Variants in ZNF286A observed in about 807,000 individuals in gnomAD.
ZNF286A encodes zinc finger protein ZNF286.
ZNF286A carries 34 observed loss-of-function variants against 49.3 expected under a neutral mutation model. The observed-to-expected ratio is 0.69, with a 90% CI of 0.52 to 0.92. The LOEUF (loss-of-function observed/expected upper bound fraction) is 0.92, where lower values mean the gene tolerates loss of function less well. Among genes scored for constraint, ZNF286A ranks in the 40% least tolerant of loss-of-function variants. The pLI is 0.00. For synonymous variants in ZNF286A, 155 were observed against 200.4 expected (o/e 0.77, Z 1.91); for missense variants, 462 against 600.2 (o/e 0.77, Z 2.41).
chr17:15,717,406 T>C lies in ZNF286A; in HGVS notation c.*116T>C. Reference sequence around the variant, plus strand: ...TGTGAGGACCAATTCTGTATGCATCTAATTTCATTTGCGTAATACATAGTT... The same window carrying C: ...TGTGAGGACCAATTCTGTATGCATCCAATTTCATTTGCGTAATACATAGTT... On this transcript the variant is annotated 3_prime_UTR_variant, in exon 6 of 6. Transcript: ENST00000583566. 1.4e-6 allele frequency: 2 copies of C among 1,454,908 alleles called. No homozygotes were observed. The highest frequency in any genetic ancestry group is 2.5e-5 in the Admixed American group (1 of 39,814). The allele number at this position is 1,454,908 out of a possible 1,614,324, so 90.1% of individuals were successfully genotyped here.
Position 15,717,930 on chromosome 17 carries a change from A to ATTTTTTTTTTTTTTTTT in ZNF286A, c.*645_*661dup, listed in dbSNP as rs769116482. On this transcript the variant is annotated 3_prime_UTR_variant, in exon 6 of 6. Coordinates refer to ENST00000583566, the MANE Select transcript of ZNF286A (RefSeq NM_001130842.2). ...TTCACATGGATTATGTACATCATTG[A>ATTTTTTTTTTTTTTTTT]TTTTTTTTTTTTTTTTTTTTTGAGA... is the stretch of plus-strand genomic sequence containing the variant. 2 of 97,006 alleles carry ATTTTTTTTTTTTTTTTT rather than the reference A, an allele frequency of 2.1e-5. 1 individual carries two copies. The allele number at this position is 97,006 out of a possible 1,614,324, so 6.0% of individuals were successfully genotyped here. A position where few individuals can be genotyped will look rare whatever the true frequency, so the allele number is the denominator to read the frequency against.
chr17:15,707,910 G>A (rs1042799690), intron 4 of ZNF286A, among the ~76,000 whole-genome samples: 1 of 152,062 alleles, frequency 6.6e-6, no homozygotes, highest in African/African-American at 2.4e-5. Flanking sequence ...CAGCACTTAG[G>A]GAGGCAGAGG....
chr17:15,710,088 A>G, intron 5 of ZNF286A: 1 of 545,368 alleles, frequency 1.8e-6, no homozygotes, highest in South Asian at 2.7e-5. Context: ...TTACCTGTTG[A>G]TACCCTTTGC....
intron 5 of ZNF286A, chr17:15,708,477 CCTTT>C (rs1597719021): frequency 8.2e-6 from 3 of 365,320 alleles, no homozygotes; most frequent in Non-Finnish European, 1.4e-5. Context: ...TTTCTTTCTT[CCTTT>C]CTTTTTCTTA....
intron 3 of ZNF286A, chr17:15,704,452 A>T (rs983122570): frequency 6.2e-7 from 1 of 1,611,596 alleles, no homozygotes; most frequent in Non-Finnish European, 8.5e-7. Flanking sequence ...CTCTGTGAGC[A>T]GACGGGCCCG....
At chr17:15,709,394 AG>A (rs1203075835) in intron 5 of ZNF286A, among the ~76,000 whole-genome samples, 2 of 151,690 alleles carry the variant, frequency 1.3e-5, no homozygotes, top group Non-Finnish European at 2.9e-5. Context: ...TGGGAGGCTG[AG>A]GCAGGAGAAT....
intron 5 of ZNF286A, among the ~76,000 whole-genome samples, chr17:15,711,981 C>T (rs1421781964): frequency 1.4e-5 from 2 of 148,044 alleles, no homozygotes; most frequent in Non-Finnish European, 3.0e-5. Context: ...ACGCCATTCT[C>T]CTGCCTCGGC....
chr17:15,712,556 C>T (rs979158010), intron 5 of ZNF286A, among the ~76,000 whole-genome samples: 13 of 152,312 alleles, frequency 8.5e-5, no homozygotes, highest in South Asian at 2.1e-4. Flanking sequence ...TCAAATTGTA[C>T]GTGGTGGAAA....
At position 15,718,245 on chromosome 17, in the gene ZNF286A, T is replaced by C. The variant is rs1370015266; in HGVS notation, c.*955T>C. 6.6e-6 allele frequency: 1 copy of C among 151,578 alleles called. No homozygotes were observed. The highest frequency in any genetic ancestry group is 6.6e-5 in the Admixed American group (1 of 15,218). 9.4% of individuals were successfully genotyped at this position (151,578 alleles called of 1,614,324 possible). On this transcript the variant is annotated 3_prime_UTR_variant, in exon 6 of 6. Coordinates refer to ENST00000583566, the MANE Select transcript of ZNF286A (RefSeq NM_001130842.2). The stretch of plus-strand genomic sequence containing the variant: ...CCACCATGCCTGGCATCATCATTGA[T>C]TTATGTCATTGTTATCCCTCTACCG...
At chr17:15,710,007 T>C in intron 5 of ZNF286A, 1 of 1,305,542 alleles carries the variant, frequency 7.7e-7, no homozygotes, top group Non-Finnish European at 1.0e-6. Flanking sequence ...GTTTTAAAAT[T>C]TTCATTTCTC....
Position 15,717,600 on chromosome 17 carries a change from C to T in ZNF286A, c.*310C>T, listed in dbSNP as rs913434286. On this transcript the variant is annotated 3_prime_UTR_variant, in exon 6 of 6. Transcript: ENST00000583566. ...ATTGTGAAATCCAGTTTTCCCCTCT[C>T]TTGTTTATGTCAGAGCTTTGTTGTA... 1 of 325,036 alleles carries T rather than the reference C, an allele frequency of 3.1e-6. No homozygotes were observed. The highest frequency in any genetic ancestry group is 5.6e-6 in the Non-Finnish European group (1 of 179,118). The allele number at this position is 325,036 out of a possible 1,614,324, so 20.1% of individuals were successfully genotyped here. A position where few individuals can be genotyped will look rare whatever the true frequency, so the allele number is the denominator to read the frequency against.
At chr17:15,706,893 G>A (rs1990264551) in intron 4 of ZNF286A, among the ~76,000 whole-genome samples, 1 of 152,132 alleles carries the variant, frequency 6.6e-6, no homozygotes, top group South Asian at 2.1e-4. Flanking sequence ...CAGTCCCAGG[G>A]TTACGTTATT....
At chr17:15,706,738 GA>G (rs1374299156) in intron 4 of ZNF286A, among the ~76,000 whole-genome samples, 1 of 151,994 alleles carries the variant, frequency 6.6e-6, no homozygotes, top group Non-Finnish European at 1.5e-5. Flanking sequence ...TCTTAAAGGG[GA>G]AAAAAATTTT....
intron 3 of ZNF286A, among the ~76,000 whole-genome samples, chr17:15,702,304 C>T (rs539707977): frequency 1.3e-5 from 2 of 152,118 alleles, no homozygotes; most frequent in East Asian, 3.9e-4. Context: ...CACCTGAGGT[C>T]AGGAGTTCAA....
chr17:15,704,313 G>C (rs570702123), intron 3 of ZNF286A: 1 of 1,610,500 alleles, frequency 6.2e-7, no homozygotes, highest in Non-Finnish European at 8.5e-7. Context: ...CATGCTTCTT[G>C]GCCATGGGAC....
At chr17:15,715,603 T>C (rs1205372546) in intron 5 of ZNF286A, among the ~76,000 whole-genome samples, 2 of 152,104 alleles carry the variant, frequency 1.3e-5, no homozygotes, top group Non-Finnish European at 2.9e-5. Context: ...GTTAGGAAGA[T>C]TAAACTGGCA....
intron 5 of ZNF286A, among the ~76,000 whole-genome samples, chr17:15,714,096 C>T (rs1966900871): frequency 6.6e-6 from 1 of 151,740 alleles, no homozygotes; most frequent in African/African-American, 2.4e-5. Context: ...TTTCATTAAC[C>T]CTGAATATTA....
chr17:15,704,505 C>T, intron 3 of ZNF286A: 6 of 1,614,060 alleles, frequency 3.7e-6, no homozygotes, highest in Non-Finnish European at 5.1e-6. Flanking sequence ...GGCGGCCCGC[C>T]TCCTCGTTGA....
intron 5 of ZNF286A, among the ~76,000 whole-genome samples, chr17:15,713,289 A>T (rs1431377333): frequency 2.0e-5 from 3 of 152,316 alleles, no homozygotes; most frequent in African/African-American, 7.2e-5. Context: ...TTTTTTTGTT[A>T]AAAAACATCT....
Sources: gnomAD v4.1 joint callset for allele counts (sites outside exome capture counted in the v4.1 genomes callset) on GRCh38, gnomAD v4.1.1 for gene constraint, MANE v1.5 for transcripts, NCBI Gene and HGNC (gene_info 2026-07-23, HGNC 2026-07-21) for gene names.